The following PCCA variants were observed in gnomAD, a reference collection of about 807,000 sequenced individuals.
PCCA encodes propionyl-CoA carboxylase subunit alpha.
A neutral mutation model predicts 101.3 loss-of-function variants in PCCA; 74 were observed. The ratio of observed to expected loss-of-function variants is 0.73; its 90% CI spans 0.61 to 0.89. The LOEUF is 0.89. Ranked by LOEUF, PCCA falls within the 40% of genes least tolerant of loss-of-function variation. The probability of loss-of-function intolerance (pLI) is 0.00; values close to 1 mark genes in which losing one functional copy is unlikely to be tolerated. For missense variants in PCCA, 891 were observed against 907.0 expected (o/e 0.98, Z 0.23); for synonymous variants, 294 against 313.6 (o/e 0.94, Z 0.66).
intron 6 of PCCA, among the ~76,000 whole-genome samples, chr13:100,204,868 A>G (rs544382346): frequency 6.6e-6 from 1 of 152,274 alleles, no homozygotes; most frequent in Non-Finnish European, 1.5e-5. Flanking sequence ...ATAGCGCACA[A>G]CAGCTTTGAA....
chr13:100,141,057 G>C (rs1248941664), intron 4 of PCCA, among the ~76,000 whole-genome samples: 1 of 152,168 alleles, frequency 6.6e-6, no homozygotes, highest in Non-Finnish European at 1.5e-5. Flanking sequence ...TAATGATGCA[G>C]TATAGCTTGC....
intron 19 of PCCA, among the ~76,000 whole-genome samples, chr13:100,417,319 C>T (rs1017326539): frequency 6.6e-6 from 1 of 152,194 alleles, no homozygotes; most frequent in African/African-American, 2.4e-5. Context: ...AGCATTTAGC[C>T]TTTAAGTGAC....
chr13:100,520,548 T>C (rs374132746), intron 22 of PCCA, among the ~76,000 whole-genome samples: 22 of 137,146 alleles, frequency 1.6e-4, no homozygotes, highest in East Asian at 1.3e-3. Flanking sequence ...GGCAGGAGAA[T>C]GGCGTGAACC....
chr13:100,528,272 AT>A (rs1235162035), intron 23 of PCCA, among the ~76,000 whole-genome samples: 5 of 152,180 alleles, frequency 3.3e-5, no homozygotes, highest in Non-Finnish European at 4.4e-5. Context: ...ACTTAAGTGT[AT>A]TTTTTTCTTG....
intron 19 of PCCA, among the ~76,000 whole-genome samples, chr13:100,373,048 C>A (rs893088557): frequency 6.6e-6 from 1 of 151,910 alleles, no homozygotes; most frequent in Admixed American, 6.6e-5. Context: ...CCAGCCCTCC[C>A]GATAAGAGTT....
At chr13:100,095,279 T>C (rs115897601) in intron 1 of PCCA, among the ~76,000 whole-genome samples, 146 of 152,348 alleles carry the variant, frequency 9.6e-4, no homozygotes, top group African/African-American at 3.4e-3. Flanking sequence ...CTTTGTTGTA[T>C]TGGCAAAGAC....
intron 20 of PCCA, among the ~76,000 whole-genome samples, chr13:100,447,027 G>GTATATACAC (rs1244643133): frequency 6.6e-6 from 1 of 152,152 alleles, no homozygotes; most frequent in Non-Finnish European, 1.5e-5. Flanking sequence ...ACTACACTGT[G>GTATATACAC]ATATTTGTTC....
chr13:100,467,969 A>C (rs1373417856), intron 21 of PCCA, among the ~76,000 whole-genome samples: 1 of 152,212 alleles, frequency 6.6e-6, no homozygotes, highest in African/African-American at 2.4e-5. Context: ...TATTTCTGAA[A>C]TAATAAGACT....
At chr13:100,144,795 A>G (rs2052334026) in intron 4 of PCCA, among the ~76,000 whole-genome samples, 1 of 152,196 alleles carries the variant, frequency 6.6e-6, no homozygotes, top group Non-Finnish European at 1.5e-5. Flanking sequence ...TTGATGGAAA[A>G]TGGTAAAGAG....
chr13:100,478,903 G>C (rs1022671042), intron 21 of PCCA, among the ~76,000 whole-genome samples: 1 of 152,188 alleles, frequency 6.6e-6, no homozygotes, highest in Non-Finnish European at 1.5e-5. Flanking sequence ...AAGAGAAATG[G>C]AAGCTGACCA....
intron 6 of PCCA, among the ~76,000 whole-genome samples, chr13:100,198,635 A>T (rs2058277805): frequency 6.6e-6 from 1 of 152,104 alleles, no homozygotes; most frequent in Non-Finnish European, 1.5e-5. Context: ...AGTAGCTGGG[A>T]TAACAGGTGC....
At position 100,530,391 on chromosome 13, in the gene PCCA, C is replaced by G; in HGVS notation, c.*225C>G. The G allele has an allele frequency of 1.7e-6, 1 of 602,306 alleles. No individual in the cohort carries two copies. The highest frequency in any genetic ancestry group is 3.0e-6 in the Non-Finnish European group (1 of 338,060). 37.3% of individuals were successfully genotyped at this position (602,306 alleles called of 1,614,324 possible). A position where few individuals can be genotyped will look rare whatever the true frequency, so the allele number is the denominator to read the frequency against. Reference sequence around the variant, plus strand: ...TGATTTGTACTTCTGCTGTGAGATTCCCTAGTGTCAAAATTAAATCAATAA... The same window carrying G: ...TGATTTGTACTTCTGCTGTGAGATTGCCTAGTGTCAAAATTAAATCAATAA... On this transcript the variant is annotated 3_prime_UTR_variant, in exon 24 of 24. Coordinates refer to ENST00000376285, the MANE Select transcript of PCCA (RefSeq NM_000282.4).
chr13:100,446,305 C>A (rs1175416161), intron 20 of PCCA, among the ~76,000 whole-genome samples: 1 of 152,168 alleles, frequency 6.6e-6, no homozygotes, highest in Non-Finnish European at 1.5e-5. Context: ...GCTGGGATTA[C>A]AGGCATGAGC....
intron 6 of PCCA, among the ~76,000 whole-genome samples, chr13:100,182,025 T>G (rs971943283): frequency 2.6e-5 from 4 of 151,296 alleles, no homozygotes; most frequent in Admixed American, 1.3e-4. Flanking sequence ...CTTGATTCCT[T>G]CTATAACTGC....
At chr13:100,306,660 G>T (rs1271193411) in intron 14 of PCCA, among the ~76,000 whole-genome samples, 1 of 124,278 alleles carries the variant, frequency 8.0e-6, no homozygotes, top group Non-Finnish European at 1.6e-5. Flanking sequence ...ACAAAGCAAA[G>T]CCATAGGAAA....
intron 6 of PCCA, among the ~76,000 whole-genome samples, chr13:100,170,549 G>A (rs1460847560): frequency 6.6e-6 from 1 of 152,198 alleles, no homozygotes; most frequent in East Asian, 1.9e-4. Context: ...CAAGCACAGA[G>A]TATTCTTTTC....
chr13:100,459,496 A>G (rs949502683), intron 21 of PCCA, among the ~76,000 whole-genome samples: 15 of 152,218 alleles, frequency 9.9e-5, no homozygotes, highest in African/African-American at 3.6e-4. Context: ...TTCGTACCCC[A>G]TACTCAAAAA....
chr13:100,094,914 AC>A (rs1168527720), intron 1 of PCCA, among the ~76,000 whole-genome samples: 1 of 152,088 alleles, frequency 6.6e-6, no homozygotes, highest in East Asian at 1.9e-4. Flanking sequence ...TATTCAAGAA[AC>A]CTTTGGTTTC....
chr13:100,089,994 C>A (rs1313877607), intron 1 of PCCA, among the ~76,000 whole-genome samples: 1 of 149,998 alleles, frequency 6.7e-6, no homozygotes, highest in Non-Finnish European at 1.5e-5. Flanking sequence ...GCACAGACCA[C>A]CTAACCTACT....
Sources: allele counts gnomAD v4.1 joint callset (sites outside exome capture counted in the v4.1 genomes callset), GRCh38; gene constraint gnomAD v4.1.1; transcripts MANE v1.5; gene names NCBI Gene and HGNC (gene_info 2026-07-23, HGNC 2026-07-21).